The following MYO18B variants were observed in gnomAD, a reference collection of about 807,000 sequenced individuals.
The protein encoded by MYO18B is myosin XVIIIB.
Under a neutral mutation model 273.0 loss-of-function variants are expected in MYO18B, and 204 were observed. The observed-to-expected ratio is 0.75, with a 90% confidence interval of 0.67 to 0.84. The LOEUF is 0.84. MYO18B is among the 40% of genes least tolerant of loss of function. The pLI is 0.00. For missense variants in MYO18B, 3,212 were observed against 3,287.6 expected, an observed-to-expected ratio of 0.98 and a Z score of 0.56; for synonymous variants, 1,330 against 1,305.7, an observed-to-expected ratio of 1.02 and a Z score of -0.40.
At chr22:26,045,758 T>C in the MYO18B span, among the ~76,000 whole-genome samples, 1 of 152,196 alleles carries the variant, frequency 6.6e-6, no homozygotes, top group East Asian at 1.9e-4. Context: ...GCAAGCAATG[T>C]ACCTTCAAGA....
At chr22:26,019,520 C>G (rs1036369061) in intron 42 of MYO18B, among the ~76,000 whole-genome samples, 1 of 152,236 alleles carries the variant, frequency 6.6e-6, no homozygotes, top group Non-Finnish European at 1.5e-5. Flanking sequence ...CTGCACACCA[C>G]AGTGGCTTAG....
At chr22:25,810,966 A>G (rs2088723992) in intron 12 of MYO18B, among the ~76,000 whole-genome samples, 1 of 152,120 alleles carries the variant, frequency 6.6e-6, no homozygotes, top group African/African-American at 2.4e-5. Context: ...AGTATCATAC[A>G]GGATAATTTC....
chr22:26,021,471 C>T (rs1032345821), intron 42 of MYO18B, among the ~76,000 whole-genome samples: 1 of 152,202 alleles, frequency 6.6e-6, no homozygotes, highest in Non-Finnish European at 1.5e-5. Flanking sequence ...GGAGCACCTA[C>T]AATGTGTTAG....
At position 25,898,386 on chromosome 22, in the gene MYO18B, G is replaced by C; in HGVS notation, c.4748G>C (p.Cys1583Ser). 1.2e-6 allele frequency: 2 copies of C among 1,613,966 alleles called. No homozygotes were observed. The highest frequency in any genetic ancestry group is 1.7e-6 in the Non-Finnish European group (2 of 1,179,874). ...QLKRKCHHLTCDLEDTCVLLE... is the reference protein window; with the variant it reads ...QLKRKCHHLTSDLEDTCVLLE... ...AAGAGGAAGTGCCACCATCTTACCT[G>C]TGACCTTGAGGATACCTGCGTCCTG... Residue 1583 changes from cysteine (C) to serine (S), a missense_variant, in exon 29 of 44, where the codon TGT becomes TCT. Transcript: ENST00000335473.
At chr22:25,937,394 T>G (rs1384722003) in intron 34 of MYO18B, among the ~76,000 whole-genome samples, 1 of 152,062 alleles carries the variant, frequency 6.6e-6, no homozygotes, top group Admixed American at 6.6e-5. Context: ...GGGAAGTGTT[T>G]TGATACATTG....
chr22:25,770,910 C>T lies in MYO18B; in HGVS notation c.1618C>T (p.Pro540Ser). The change falls in exon 6 of 44, where the codon CCA (proline) becomes TCA (serine). Residue 540 changes from proline to serine, a missense_variant. Transcript: ENST00000335473. ...GCCAGATGAGGGAACAGCAGACCTG[C>T]CAGCAGGAAGGGTGAGACTTTGGAT... ...LKPDEGTADL[P>S]AGRVRLWIDA... The T allele has an allele frequency of 6.4e-7, 1 of 1,552,130 alleles. No homozygotes were observed. Among genetic ancestry groups the T allele is most frequent in the Non-Finnish European group, 8.7e-7 (1 of 1,147,168 alleles).
chr22:25,789,622 C>A (rs371339278), intron 11 of MYO18B, among the ~76,000 whole-genome samples: 1 of 110,698 alleles, frequency 9.0e-6, no homozygotes, highest in Non-Finnish European at 1.9e-5. Context: ...AGTGACAGAG[C>A]GAGACTGTCT....
rs1176600752 is a variant in MYO18B at position 26,026,557 on chromosome 22, C to G, written c.6583C>G (p.His2195Asp). 6.2e-7 allele frequency: 1 copy of G among 1,613,916 alleles called. No homozygotes were observed. The highest frequency in any genetic ancestry group is 1.7e-5 in the Admixed American group (1 of 60,028). ...CTCAGGAGACAAGCCTGTTTCTCCC[C>G]ACTTTGTCCGCCGGCAAAAGTACTG... ...KTSGDKPVSP[H>D]FVRRQKYCHF... The change falls in exon 43 of 44, where the codon CAC (histidine) becomes GAC (aspartate). Residue 2195 changes from histidine to aspartate, a missense_variant. By Grantham distance (81) the His-to-Asp change is moderately conservative (BLOSUM62 -1). Coordinates refer to ENST00000335473, the MANE Select transcript of MYO18B (RefSeq NM_032608.7).
intron 42 of MYO18B, among the ~76,000 whole-genome samples, chr22:26,024,177 A>G (rs1289923681): frequency 6.6e-6 from 1 of 152,220 alleles, no homozygotes; most frequent in Non-Finnish European, 1.5e-5. Flanking sequence ...ATTAAATAGT[A>G]GTAATATTGA....
intron 39 of MYO18B, among the ~76,000 whole-genome samples, chr22:25,969,637 A>G (rs1246885682): frequency 6.6e-6 from 1 of 151,370 alleles, no homozygotes; most frequent in Non-Finnish European, 1.5e-5. Context: ...GCCCTAGAAC[A>G]TTGCTTAGCA....
At chr22:25,753,202 G>T (rs2085993821) in intron 1 of MYO18B, among the ~76,000 whole-genome samples, 1 of 150,048 alleles carries the variant, frequency 6.7e-6, no homozygotes, top group African/African-American at 2.5e-5. Flanking sequence ...TCCACAAGGC[G>T]ACCCCAGCTG....
At chr22:25,767,333 G>T (rs976566831) in intron 3 of MYO18B, among the ~76,000 whole-genome samples, 2 of 152,178 alleles carry the variant, frequency 1.3e-5, no homozygotes, top group African/African-American at 4.8e-5. Flanking sequence ...AGGCAAGAGT[G>T]GGGGACCCCA....
the MYO18B span, among the ~76,000 whole-genome samples, chr22:26,062,545 C>T: frequency 6.6e-6 from 1 of 152,184 alleles, no homozygotes; most frequent in South Asian, 2.1e-4. Flanking sequence ...AAGTCGGAAA[C>T]TGGTTCCATT....
At chr22:25,975,160 C>A (rs1178522538) in intron 39 of MYO18B, among the ~76,000 whole-genome samples, 2 of 152,178 alleles carry the variant, frequency 1.3e-5, no homozygotes, top group Non-Finnish European at 2.9e-5. Context: ...GGCTGTTCAT[C>A]CAAGAGGCGT....
intron 12 of MYO18B, among the ~76,000 whole-genome samples, chr22:25,802,839 C>T (rs1458920594): frequency 6.6e-6 from 1 of 151,904 alleles, no homozygotes; most frequent in African/African-American, 2.4e-5. Context: ...TTCCCCCAGC[C>T]ATAAACAACC....
chr22:25,991,921 A>G (rs1020376902), intron 39 of MYO18B, among the ~76,000 whole-genome samples: 2 of 152,160 alleles, frequency 1.3e-5, no homozygotes, highest in South Asian at 2.1e-4. Context: ...ACTTGAAACT[A>G]TCTTTGTTAT....
chr22:25,902,503 A>G, intron 29 of MYO18B, 110 bp from the exon 30 acceptor site: 2 of 1,257,378 alleles, frequency 1.6e-6, no homozygotes, highest in East Asian at 2.6e-5. Context: ...TCTCTTTCTA[A>G]TGGTTCTTGG....
At chr22:25,981,931 A>G (rs910298443) in intron 39 of MYO18B, among the ~76,000 whole-genome samples, 1 of 152,158 alleles carries the variant, frequency 6.6e-6, no homozygotes, top group Non-Finnish European at 1.5e-5. Context: ...TATAAAGAAA[A>G]GAGGTGTAAT....
chr22:25,774,189 T>C (rs778287657), intron 7 of MYO18B, among the ~76,000 whole-genome samples: 1 of 152,144 alleles, frequency 6.6e-6, no homozygotes, highest in Non-Finnish European at 1.5e-5. Context: ...CTCTCCAAGA[T>C]TTTTCTCCTC....
Sources: allele counts gnomAD v4.1 joint callset (sites outside exome capture counted in the v4.1 genomes callset), GRCh38; gene constraint gnomAD v4.1.1; transcripts MANE v1.5; gene names NCBI Gene and HGNC (gene_info 2026-07-23, HGNC 2026-07-21).